Variants in SLC28A1 observed in about 807,000 individuals in gnomAD.
The protein encoded by SLC28A1 is solute carrier family 28 member 1.
Under a neutral mutation model 74.8 loss-of-function variants are expected in SLC28A1, and 64 were observed. The ratio of observed to expected loss-of-function variants is 0.86; its 90% CI spans 0.70 to 1.05. SLC28A1 has a LOEUF of 1.05. Among genes scored for constraint, SLC28A1 ranks in the 50% least tolerant of loss-of-function variants. The pLI, the probability that SLC28A1 is intolerant of heterozygous loss-of-function variation, is 0.00. For missense variants in SLC28A1, 828 were observed against 822.8 expected, an observed-to-expected ratio of 1.01 and a Z score of -0.08; for synonymous variants, 359 against 335.0, an observed-to-expected ratio of 1.07 and a Z score of -0.78.
At chr15:84,888,959 C>A in intron 4 of SLC28A1, 99 bp downstream of exon 4, 4 of 832,248 alleles carry the variant, frequency 4.8e-6, no homozygotes, top group South Asian at 1.4e-5. Context: ...GTTGGGGGGA[C>A]GTGAACCTTT....
intron 11 of SLC28A1, among the ~76,000 whole-genome samples, chr15:84,921,727 T>C (rs375881169): frequency 5.3e-4 from 81 of 152,312 alleles, no homozygotes; most frequent in African/African-American, 1.9e-3. Context: ...TTTGCTACGG[T>C]GCATGTGTGT....
At chr15:84,899,563 T>C (rs1178716480) in intron 6 of SLC28A1, among the ~76,000 whole-genome samples, 1 of 152,138 alleles carries the variant, frequency 6.6e-6, no homozygotes, top group Non-Finnish European at 1.5e-5. Flanking sequence ...GCAGATTTCT[T>C]GTCAAAAATG....
At chr15:84,898,483 G>T (rs1966259851) in intron 6 of SLC28A1, among the ~76,000 whole-genome samples, 1 of 151,630 alleles carries the variant, frequency 6.6e-6, no homozygotes, top group South Asian at 2.1e-4. Flanking sequence ...GGAAGCTGAG[G>T]CAGGAGAATG....
chr15:84,934,943 G>T lies in SLC28A1; in HGVS notation c.1215-83G>T. 4 of 1,148,082 alleles carry T rather than the reference G, an allele frequency of 3.5e-6. No individual in the cohort carries two copies. The South Asian group carries it at 4.9e-5, about 14-fold the overall frequency. The allele number at this position is 1,148,082 out of a possible 1,614,324, so 71.1% of individuals were successfully genotyped here. ...TCCCGCTCTGAAATGCTCTTCCAGG[G>T]TTCCTATTTGAGCCTATAGGATAGG... On this transcript the variant is annotated intron_variant, in intron 13 of 18. Transcript: ENST00000394573.
chr15:84,945,360 G>A lies in SLC28A1; in HGVS notation c.*160G>A, dbSNP rs915166863. The A allele has an allele frequency of 1.1e-5, 8 of 700,784 alleles. No homozygotes were observed. The highest frequency in any genetic ancestry group is 2.1e-5 in the Non-Finnish European group (8 of 381,850). The allele number at this position is 700,784 out of a possible 1,614,324, so 43.4% of individuals were successfully genotyped here. On this transcript the variant is annotated 3_prime_UTR_variant, in exon 19 of 19. Coordinates refer to ENST00000394573, the MANE Select transcript of SLC28A1 (RefSeq NM_004213.5). ...GAAGGGTTCATGGAGTGAGTGTGCA[G>A]AGAGTGAGTGAGGACATAAGGAAGG...
chr15:84,936,812 G>T (rs1971995137), intron 15 of SLC28A1, among the ~76,000 whole-genome samples: 1 of 152,106 alleles, frequency 6.6e-6, no homozygotes, highest in South Asian at 2.1e-4. Flanking sequence ...CAGCACTTTG[G>T]GAGGTCAAGG....
intron 16 of SLC28A1, among the ~76,000 whole-genome samples, chr15:84,943,910 AAAAAAAG>A: frequency 6.6e-6 from 1 of 152,208 alleles, no homozygotes. Context: ...TCTCAAAAAA[AAAAAAAG>A]AAAAAAGAAA....
chr15:84,887,297 A>G, intron 2 of SLC28A1: 1 of 950,418 alleles, frequency 1.1e-6, no homozygotes, highest in Non-Finnish European at 1.3e-6. Context: ...GGCTGTATAT[A>G]ATTCTTTACT....
At position 84,888,950 on chromosome 15, in the gene SLC28A1, T is replaced by C. The variant is rs17222309; in HGVS notation, c.185+90T>C. 352 of 897,688 alleles carry C rather than the reference T, an allele frequency of 3.9e-4. 1 individual carries two copies. In the African/African-American group the frequency reaches 4.0e-3, roughly 10 times the overall value. The allele number at this position is 897,688 out of a possible 1,614,324, so 55.6% of individuals were successfully genotyped here. ...AGCCGGGCCTCCTGGCGGATGGGAG[T>C]TGGGGGGACGTGAACCTTTGTTGAA... On this transcript the variant is annotated intron_variant, in intron 4 of 18. Coordinates refer to ENST00000394573, the MANE Select transcript of SLC28A1 (RefSeq NM_004213.5).
chr15:84,964,888 C>T, the SLC28A1 span, among the ~76,000 whole-genome samples: 124 of 152,338 alleles, frequency 8.1e-4, 2 homozygotes, highest in East Asian at 1.3e-3. Context: ...AGTGCGTCTG[C>T]AGCTGGAAGC....
rs564640768 is a variant in SLC28A1 at position 84,937,140 on chromosome 15, GTT to G, written c.1581+1632_1581+1633del. ...GTGCTGTAGCCATTTTTGTTTTTTT[GTT>G]TTTTTTTTTACTTAGTATTACAACA... On this transcript the variant is annotated intron_variant, in intron 15 of 18. Transcript: ENST00000394573. Among the ~76,000 whole-genome samples the G allele has an allele frequency of 2.1e-5, 3 of 145,108 alleles. No homozygotes were observed. In the Admixed American group the frequency reaches 2.1e-4, roughly 10 times the overall value.
rs754536603 is a variant in SLC28A1 at position 84,888,753 on chromosome 15, G to A, written c.97-19G>A. ...TGGGTAAGGGGCAGGCCGACCTGACGGCTCCCTGCGGGCTGTAGGAGGAAG... is the reference window on the plus strand; with the variant it reads ...TGGGTAAGGGGCAGGCCGACCTGACAGCTCCCTGCGGGCTGTAGGAGGAAG... On this transcript the variant is annotated intron_variant, in intron 3 of 18. Coordinates refer to ENST00000394573, the MANE Select transcript of SLC28A1 (RefSeq NM_004213.5). 2.8e-5 allele frequency: 44 copies of A among 1,544,894 alleles called. No homozygotes were observed. The highest frequency in any genetic ancestry group is 9.8e-5 in the East Asian group (4 of 40,932).
At chr15:84,960,228 C>CTTTTTT in the SLC28A1 span, among the ~76,000 whole-genome samples, 29 of 85,580 alleles carry the variant, frequency 3.4e-4, 1 homozygote, top group Non-Finnish European at 4.0e-4. Context: ...TGCCTGCCTG[C>CTTTTTT]TTTTTTTTTT....
intron 10 of SLC28A1, among the ~76,000 whole-genome samples, chr15:84,920,714 G>GTGTGTGTGTGTGTGTT (rs67647514): frequency 3.2e-4 from 48 of 152,170 alleles, no homozygotes; most frequent in Non-Finnish European, 5.4e-4. Context: ...GTGTGTGTGT[G>GTGTGTGTGTGTGTGTT]TGTGTGTGTG....
At chr15:84,920,886 G>T in intron 10 of SLC28A1, 103 bp from the exon 11 acceptor site, 2 of 885,288 alleles carry the variant, frequency 2.3e-6, no homozygotes, top group Non-Finnish European at 1.9e-6. Flanking sequence ...CCTACACTGG[G>T]CTGGGAGTTG....
intron 12 of SLC28A1, among the ~76,000 whole-genome samples, chr15:84,924,578 G>C (rs72754931): frequency 0.3 from 45,295 of 151,958 alleles, 7,197 homozygotes; most frequent in South Asian, 0.5. Flanking sequence ...TATTGCCTGT[G>C]CAGTTTACAC....
rs549210126 is a variant in SLC28A1, at chr15:84,911,725, G to A, written c.795+2930G>A. 2.6e-5 allele frequency among the ~76,000 whole-genome samples: 4 copies of A among 152,098 alleles called. No individual in the cohort carries two copies. The South Asian group carries it at 8.3e-4, about 32-fold the overall frequency. ...AATACAAAAATTAGCCAGGCATGGT[G>A]GCGGGCGCTTGTAATTCCAGCTACC... On this transcript the variant is annotated intron_variant, in intron 9 of 18. Transcript: ENST00000394573.
chr15:84,963,593 A>G, the SLC28A1 span, among the ~76,000 whole-genome samples: 1 of 152,112 alleles, frequency 6.6e-6, no homozygotes, highest in East Asian at 1.9e-4. Flanking sequence ...CAGCTCTGGC[A>G]TGGCCAGGGA....
downstream of SLC28A1, among the ~76,000 whole-genome samples, chr15:84,947,431 C>T (rs369473361): frequency 9.8e-5 from 15 of 152,350 alleles, no homozygotes; most frequent in East Asian, 1.2e-3. Flanking sequence ...ACTCCCTGCA[C>T]GCTCATTCTG....
Sources: allele counts gnomAD v4.1 joint callset (sites outside exome capture counted in the v4.1 genomes callset), GRCh38; gene constraint gnomAD v4.1.1; transcripts MANE v1.5; gene names NCBI Gene and HGNC (gene_info 2026-07-23, HGNC 2026-07-21).